Variants in TMEM255A observed in about 807,000 individuals in gnomAD.
TMEM255A encodes the protein family with sequence similarity 70, member A.
A neutral mutation model predicts 23.5 loss-of-function variants in TMEM255A; 14 were observed. That is an observed-to-expected ratio of 0.60 (90% CI 0.39 to 0.93). TMEM255A has a LOEUF of 0.93. Ranked by LOEUF, TMEM255A falls within the 40% of genes least tolerant of loss-of-function variation. TMEM255A has a pLI of 0.00. For missense variants in TMEM255A, 233 were observed against 261.7 expected, an observed-to-expected ratio of 0.89 and a Z score of 0.76; for synonymous variants, 104 against 100.3, an observed-to-expected ratio of 1.04 and a Z score of -0.22.
intron 2 of TMEM255A, among the ~76,000 whole-genome samples, chrX:120,294,824 A>G (rs1263134678): frequency 1.8e-5 from 2 of 112,312 alleles, no homozygotes; most frequent in African/African-American, 3.2e-5. Flanking sequence ...CTCAGGAAGT[A>G]CTTTAGAAAT....
At chrX:120,294,802 A>C (rs1202598826) in intron 2 of TMEM255A, among the ~76,000 whole-genome samples, 1 of 112,451 alleles carries the variant, frequency 8.9e-6, no homozygotes, top group Non-Finnish European at 1.9e-5. Context: ...TGCATCTGGC[A>C]TACCAATCCA....
chrX:120,252,334 A>G, the TMEM255A span, among the ~76,000 whole-genome samples: 1 of 110,766 alleles, frequency 9.0e-6, no homozygotes, highest in African/African-American at 3.3e-5. Flanking sequence ...ATATCCATAT[A>G]TAATATGTAT....
rs920408300 is a variant in TMEM255A, at chrX:120,260,095, A to G, written c.*775T>C. On this transcript the variant is annotated 3_prime_UTR_variant, in exon 9 of 9. Transcript: ENST00000371369. ...ATAAGATTTATATCTCCTGTAGCAA[A>G]TGTATTTTGTAATAATGCAACATGT... The G allele has an allele frequency of 9.5e-6, 7 of 734,614 alleles. No homozygotes were observed. The African/African-American group carries it at 1.6e-4, about 17-fold the overall frequency. 60.5% of individuals were successfully genotyped at this position (734,614 alleles called of 1,213,427 possible).
intron 8 of TMEM255A, among the ~76,000 whole-genome samples, chrX:120,261,502 G>A (rs146513109): frequency 1.9e-3 from 218 of 111,963 alleles, no homozygotes; most frequent in African/African-American, 4.6e-3. Flanking sequence ...ACAGTGGTCA[G>A]GAGCCCCTCT....
chrX:120,289,101 G>A (rs1415384151), intron 4 of TMEM255A, among the ~76,000 whole-genome samples: 1 of 111,786 alleles, frequency 8.9e-6, no homozygotes, highest in Non-Finnish European at 1.9e-5. Flanking sequence ...CATCCAAGCT[G>A]TGCTAGGGTC....
intron 2 of TMEM255A, among the ~76,000 whole-genome samples, chrX:120,300,196 G>A (rs1359983927): frequency 1.8e-5 from 2 of 111,062 alleles, no homozygotes; most frequent in South Asian, 3.8e-4. Context: ...GAGGTGTACC[G>A]GGAAGCAGCA....
chrX:120,282,859 A>G (rs1056005573), intron 6 of TMEM255A, among the ~76,000 whole-genome samples: 1 of 111,400 alleles, frequency 9.0e-6, no homozygotes. Context: ...TCACAGAGAG[A>G]AAGGTGTGTC....
chrX:120,260,926 G>A lies in TMEM255A; in HGVS notation c.922C>T (p.Arg308Cys), dbSNP rs781915988. 25 of 1,198,468 alleles carry A rather than the reference G, an allele frequency of 2.1e-5. No individual in the cohort carries two copies. Among genetic ancestry groups the A allele is most frequent in the South Asian group, 9.1e-5 (5 of 54,786 alleles). Residue 308 changes from arginine to cysteine, a missense_variant, in exon 9 of 9, where the codon CGT (arginine) becomes TGT (cysteine). Transcript: ENST00000371369. Reference sequence around the variant, plus strand: ...GGTGGATAGTAGGGTGGAGAGTAACGGGGCGGTGCACTTGAGGACCACATG... The same window carrying A: ...GGTGGATAGTAGGGTGGAGAGTAACAGGGCGGTGCACTTGAGGACCACATG... Reference protein sequence around the residue: ...SYMWSSSAPPRYSPPYYPPFE... With the variant: ...SYMWSSSAPPCYSPPYYPPFE...
At chrX:120,296,706 G>A (rs1464487726) in intron 2 of TMEM255A, among the ~76,000 whole-genome samples, 3 of 46,912 alleles carry the variant, frequency 6.4e-5, no homozygotes, top group African/African-American at 9.3e-5. Context: ...AATATATTTA[G>A]GTAAATAAAT....
downstream of TMEM255A, chrX:120,254,335 ATTTAC>A: frequency 8.3e-7 from 1 of 1,211,736 alleles, no homozygotes; most frequent in Non-Finnish European, 1.1e-6. Context: ...TCTTCAATCA[ATTTAC>A]TTGTGCAGAA....
chrX:120,275,087 C>A (rs1364848395), intron 7 of TMEM255A, among the ~76,000 whole-genome samples: 1 of 112,434 alleles, frequency 8.9e-6, no homozygotes, highest in Non-Finnish European at 1.9e-5. Flanking sequence ...AAAGGGCATT[C>A]TTTTCTCCAA....
intron 4 of TMEM255A, among the ~76,000 whole-genome samples, chrX:120,290,608 T>C (rs1317986431): frequency 8.9e-6 from 1 of 112,258 alleles, no homozygotes; most frequent in African/African-American, 3.2e-5. Flanking sequence ...GGTAGAATTA[T>C]GGATGTTTAA....
rs782516223 is a variant in TMEM255A at position 120,285,599 on chromosome X, G to A, written c.424-384C>T. The A allele has an allele frequency of 7.5e-6, 9 of 1,207,644 alleles. No individual in the cohort carries two copies. In the East Asian group the frequency reaches 8.9e-5, roughly 12 times the overall value. On this transcript the variant is annotated intron_variant, in intron 5 of 8. Coordinates refer to ENST00000371369, the MANE Select transcript of TMEM255A (RefSeq NM_001104544.3). ...TGGGAAGGAAGACAGAGGAGCCGGCGCATGCACTCTGAAGTACAATAGTAC... is the reference window on the plus strand; with the variant it reads ...TGGGAAGGAAGACAGAGGAGCCGGCACATGCACTCTGAAGTACAATAGTAC...
chrX:120,253,363 T>C, the TMEM255A span: 93 of 1,054,170 alleles, frequency 8.8e-5, no homozygotes, highest in Non-Finnish European at 1.1e-4. Flanking sequence ...ATAAGTACTT[T>C]TGTTTTTTCT....
At chrX:120,303,483 G>A (rs149718522) in intron 2 of TMEM255A, among the ~76,000 whole-genome samples, 104 of 111,434 alleles carry the variant, frequency 9.3e-4, no homozygotes, top group African/African-American at 3.2e-3. Context: ...TGAGAAACCA[G>A]AAGTTGAAGA....
intron 5 of TMEM255A, 54 bp downstream of exon 5, chrX:120,287,100 C>A: frequency 9.7e-7 from 1 of 1,035,806 alleles, no homozygotes; most frequent in Non-Finnish European, 1.4e-6. Flanking sequence ...GTGTTTCAGG[C>A]AGAACAGGGG....
At chrX:120,277,858 C>A (rs1044922383) in intron 6 of TMEM255A, among the ~76,000 whole-genome samples, 1 of 112,153 alleles carries the variant, frequency 8.9e-6, no homozygotes, top group Non-Finnish European at 1.9e-5. Flanking sequence ...CCAAAGACAC[C>A]CCTTCCCAGC....
chrX:120,254,493 G>C (rs782714211), downstream of TMEM255A: 1 of 1,211,733 alleles, frequency 8.3e-7, no homozygotes, highest in East Asian at 3.0e-5. Flanking sequence ...CCCACAGGCT[G>C]ATACCTCCCA....
intron 1 of TMEM255A, among the ~76,000 whole-genome samples, chrX:120,305,960 T>C (rs2058062507): frequency 9.0e-6 from 1 of 111,536 alleles, no homozygotes; most frequent in African/African-American, 3.3e-5. Flanking sequence ...AAATGAGGGA[T>C]GTGACTCATC....
Sources: gnomAD v4.1 joint callset for allele counts (sites outside exome capture counted in the v4.1 genomes callset) on GRCh38, gnomAD v4.1.1 for gene constraint, MANE v1.5 for transcripts, NCBI Gene and HGNC (gene_info 2026-07-23, HGNC 2026-07-21) for gene names.